ADAMTS12: variants seen among roughly 807,000 people sequenced by gnomAD.
The protein encoded by ADAMTS12 is A disintegrin and metalloproteinase with thrombospondin motifs 12.
In ADAMTS12, 118 loss-of-function variants were observed where a neutral mutation model predicts 167.8. The observed-to-expected ratio is 0.70, with a 90% confidence interval of 0.61 to 0.82. The LOEUF (loss-of-function observed/expected upper bound fraction) is 0.82. ADAMTS12 is among the 40% of genes least tolerant of loss of function. The probability of loss-of-function intolerance (pLI) is 0.00; values close to 1 mark genes in which losing one functional copy is unlikely to be tolerated. For synonymous variants in ADAMTS12, 704 were observed against 716.9 expected (o/e 0.98, Z 0.29); for missense variants, 1,916 against 1,998.8 (o/e 0.96, Z 0.79).
Position 33,886,986 on chromosome 5 carries a change from C to T in ADAMTS12, c.127+4744G>A, listed in dbSNP as rs926168262. 3.3e-5 allele frequency among the ~76,000 whole-genome samples: 5 copies of T among 151,926 alleles called. No individual in the cohort carries two copies. The East Asian group carries it at 9.7e-4, about 29-fold the overall frequency. On this transcript the variant is annotated intron_variant, in intron 1 of 23. Coordinates refer to ENST00000504830, the MANE Select transcript of ADAMTS12 (RefSeq NM_030955.4). ...GGTTTTAAAGGTAGGAACTTGGCTA[C>T]CCGGGATCACTGTGGACATAAACAT... is the stretch of plus-strand genomic sequence containing the variant.
At chr5:33,541,930 T>A (rs915295525) in intron 22 of ADAMTS12, among the ~76,000 whole-genome samples, 1 of 152,066 alleles carries the variant, frequency 6.6e-6, no homozygotes, top group African/African-American at 2.4e-5. Context: ...ACTGCATCAA[T>A]TAACGGGCAA....
intron 3 of ADAMTS12, among the ~76,000 whole-genome samples, chr5:33,684,585 A>G (rs530770371): frequency 3.9e-5 from 6 of 152,360 alleles, no homozygotes; most frequent in Middle Eastern, 6.8e-3. Context: ...TTAAAAATAT[A>G]CATCACACCG....
intron 3 of ADAMTS12, among the ~76,000 whole-genome samples, chr5:33,715,729 C>G (rs1483354242): frequency 2.0e-5 from 3 of 152,150 alleles, no homozygotes; most frequent in African/African-American, 7.2e-5. Context: ...CACAATGAAA[C>G]CAGCCTTTTT....
At chr5:33,753,017 A>G (rs1287774132) in intron 2 of ADAMTS12, among the ~76,000 whole-genome samples, 1 of 152,244 alleles carries the variant, frequency 6.6e-6, no homozygotes, top group Admixed American at 6.5e-5. Flanking sequence ...AGCACAATAG[A>G]AAAAATAGAG....
chr5:33,645,334 A>G (rs535702411), intron 9 of ADAMTS12, among the ~76,000 whole-genome samples: 28 of 152,252 alleles, frequency 1.8e-4, no homozygotes, highest in South Asian at 6.2e-4. Context: ...AGGCTGAGAT[A>G]AAAGATGCTT....
At chr5:33,751,283 T>TG in intron 3 of ADAMTS12, 121 bp downstream of exon 3, 1 of 1,143,114 alleles carries the variant, frequency 8.7e-7, no homozygotes, top group Middle Eastern at 2.0e-4. Context: ...CATGAAGATA[T>TG]TAAAAAAAAA....
At chr5:33,800,248 A>T (rs986318426) in intron 2 of ADAMTS12, among the ~76,000 whole-genome samples, 2 of 152,366 alleles carry the variant, frequency 1.3e-5, no homozygotes, top group South Asian at 4.1e-4. Flanking sequence ...CCAGTGTCGC[A>T]GGATTGCAGA....
intron 2 of ADAMTS12, among the ~76,000 whole-genome samples, chr5:33,827,709 AAATAGATAGAT>A (rs1332524115): frequency 1.6e-5 from 2 of 125,894 alleles, no homozygotes; most frequent in African/African-American, 6.2e-5. Flanking sequence ...GGAGAAAACA[AAATAGATAGAT>A]AGATAGATAG....
At chr5:33,625,689 A>G (rs868294545) in intron 13 of ADAMTS12, among the ~76,000 whole-genome samples, 29 of 152,184 alleles carry the variant, frequency 1.9e-4, no homozygotes, top group African/African-American at 7.0e-4. Context: ...ATTTGCCTGC[A>G]TAACTGAGAG....
chr5:33,624,563 C>T (rs1487643179), intron 13 of ADAMTS12, among the ~76,000 whole-genome samples: 4 of 152,210 alleles, frequency 2.6e-5, no homozygotes, highest in Non-Finnish European at 5.9e-5. Context: ...GAGGGAGGCA[C>T]ACATTGAGTG....
intron 16 of ADAMTS12, among the ~76,000 whole-genome samples, chr5:33,607,291 T>G (rs1738496236): frequency 6.6e-6 from 1 of 151,988 alleles, no homozygotes; most frequent in Non-Finnish European, 1.5e-5. Context: ...GAGATAAAAA[T>G]GTTCTCATTA....
rs2111830594 is a variant in ADAMTS12, at chr5:33,549,199, G to A, written c.4302+8C>T. 1 of 1,611,550 alleles carries A rather than the reference G, an allele frequency of 6.2e-7. No homozygotes were observed. The highest frequency in any genetic ancestry group is 2.2e-5 in the East Asian group (1 of 44,790). On this transcript the variant is annotated splice_region_variant and intron_variant, in intron 21 of 23. Transcript: ENST00000504830. The stretch of plus-strand genomic sequence containing the variant: ...GTGAGGACATCTCTCCCTTTGTGGG[G>A]GACCTACCTGGCTCCAAGGCTCCAC...
intron 5 of ADAMTS12, among the ~76,000 whole-genome samples, chr5:33,663,339 C>G (rs1053346224): frequency 1.3e-5 from 2 of 152,024 alleles, no homozygotes; most frequent in Non-Finnish European, 2.9e-5. Flanking sequence ...ATTAACAGCC[C>G]TCCCTAGATG....
chr5:33,611,467 T>A (rs1226380680), intron 16 of ADAMTS12, among the ~76,000 whole-genome samples: 1 of 152,038 alleles, frequency 6.6e-6, no homozygotes, highest in Non-Finnish European at 1.5e-5. Context: ...TGTTTCTCAG[T>A]AAAACGAAAA....
chr5:33,593,290 T>C (rs539749983), intron 17 of ADAMTS12, among the ~76,000 whole-genome samples: 1 of 152,316 alleles, frequency 6.6e-6, no homozygotes, highest in Admixed American at 6.5e-5. Context: ...TAGGGGATTC[T>C]GGTTCTAGTA....
intron 10 of ADAMTS12, among the ~76,000 whole-genome samples, chr5:33,642,379 T>G (rs913454991): frequency 6.6e-6 from 1 of 152,204 alleles, no homozygotes; most frequent in African/African-American, 2.4e-5. Context: ...GTTCACAGAC[T>G]GGCACAGCGA....
chr5:33,860,874 T>C (rs992092878), intron 2 of ADAMTS12, among the ~76,000 whole-genome samples: 1 of 152,206 alleles, frequency 6.6e-6, no homozygotes, highest in Non-Finnish European at 1.5e-5. Context: ...TGGGGGCCGA[T>C]ATTCAACATT....
chr5:33,601,346 C>T (rs867381610), intron 16 of ADAMTS12, among the ~76,000 whole-genome samples: 3 of 152,102 alleles, frequency 2.0e-5, no homozygotes, highest in Non-Finnish European at 2.9e-5. Context: ...CATATGCCCA[C>T]GATGTACCCT....
intron 2 of ADAMTS12, among the ~76,000 whole-genome samples, chr5:33,798,250 C>T (rs1746853227): frequency 1.3e-5 from 2 of 151,212 alleles, no homozygotes; most frequent in African/African-American, 4.9e-5. Flanking sequence ...TAATAAAATA[C>T]CACAGACTGG....
Sources: gnomAD v4.1 joint callset for allele counts (sites outside exome capture counted in the v4.1 genomes callset) on GRCh38, gnomAD v4.1.1 for gene constraint, MANE v1.5 for transcripts, NCBI Gene and HGNC (gene_info 2026-07-23, HGNC 2026-07-21) for gene names.